The following B4GALT6 variants were observed in gnomAD, a reference collection of about 807,000 sequenced individuals.
The protein encoded by B4GALT6 is beta-1,4-galactosyltransferase 6.
A neutral mutation model predicts 46.3 loss-of-function variants in B4GALT6; 14 were observed. That is an observed-to-expected ratio of 0.30 (90% CI 0.20 to 0.47). The LOEUF is 0.47. Among genes scored for constraint, B4GALT6 ranks in the 20% least tolerant of loss-of-function variants. B4GALT6 has a pLI of 0.99. For missense variants in B4GALT6, 386 were observed against 480.1 expected (o/e 0.80, Z 1.83); for synonymous variants, 168 against 162.0 (o/e 1.04, Z -0.28).
chr18:31,685,229 G>A (rs1389919307), upstream of B4GALT6, among the ~76,000 whole-genome samples: 4 of 150,494 alleles, frequency 2.7e-5, no homozygotes, highest in African/African-American at 9.7e-5. Flanking sequence ...CGGCATTACC[G>A]CCGCGCGCCC....
chr18:31,638,732 C>T lies in B4GALT6; in HGVS notation c.500G>A (p.Arg167His), dbSNP rs1328338345. Residue 167 changes from arginine (R) to histidine (H), a missense_variant, in exon 5 of 9, where the codon CGC becomes CAC. Arg to His is a conservative substitution (Grantham distance 29). Coordinates refer to ENST00000306851, the MANE Select transcript of B4GALT6 (RefSeq NM_004775.5). The stretch of plus-strand genomic sequence containing the variant: ...GAAAAAAATTGGAAGATGTTCATGG[C>T]GATTACGGAAAGGAATGAGAACTGC... ...KVAVLIPFRN[R>H]HEHLPIFFLH... 3 of 1,613,768 alleles carry T rather than the reference C, an allele frequency of 1.9e-6. No homozygotes were observed. The highest frequency in any genetic ancestry group is 1.7e-5 in the Admixed American group (1 of 59,970).
chr18:31,694,857 A>T, the B4GALT6 span, among the ~76,000 whole-genome samples: 1 of 152,236 alleles, frequency 6.6e-6, no homozygotes, highest in Non-Finnish European at 1.5e-5. Context: ...TACATTTCAC[A>T]TACTAGTTAT....
Position 31,666,359 on chromosome 18 carries a change from G to C in B4GALT6, c.129C>G (p.Leu43=), listed in dbSNP as rs765941487. ...YVAPGIANTY[L]FMVQARGIML... ...TTATACCTCGAGCTTGTACCATAAA[G>C]AGATATGTGTTGGCTATAAAAGAAA... The change falls in exon 2 of 9, where the codon CTC becomes CTG. Residue 43 remains leucine (L), a synonymous_variant. Coordinates refer to ENST00000306851, the MANE Select transcript of B4GALT6 (RefSeq NM_004775.5). 6.3e-7 allele frequency: 1 copy of C among 1,588,902 alleles called. No homozygotes were observed. Among genetic ancestry groups the C allele is most frequent in the Non-Finnish European group, 8.6e-7 (1 of 1,161,848 alleles).
At chr18:31,652,964 A>C (rs1211114766) in intron 3 of B4GALT6, among the ~76,000 whole-genome samples, 1 of 151,612 alleles carries the variant, frequency 6.6e-6, no homozygotes, top group East Asian at 1.9e-4. Context: ...CACCTGCCTA[A>C]AGCCTTCGAT....
At chr18:31,711,553 C>A in the B4GALT6 span, among the ~76,000 whole-genome samples, 1 of 152,120 alleles carries the variant, frequency 6.6e-6, no homozygotes, top group African/African-American at 2.4e-5. Context: ...GGATAATGCA[C>A]AAACAATTTT....
the B4GALT6 span, among the ~76,000 whole-genome samples, chr18:31,702,835 G>A: frequency 6.6e-6 from 1 of 152,212 alleles, no homozygotes; most frequent in Non-Finnish European, 1.5e-5. Context: ...TCCAAGGGGA[G>A]CTCTAAGTGA....
intron 2 of B4GALT6, among the ~76,000 whole-genome samples, chr18:31,664,493 G>C (rs953620169): frequency 3.3e-5 from 5 of 150,796 alleles, no homozygotes; most frequent in African/African-American, 1.2e-4. Flanking sequence ...GGTCTTTATT[G>C]AAACTATGAC....
At chr18:31,662,650 G>A (rs1346756973) in intron 2 of B4GALT6, among the ~76,000 whole-genome samples, 1 of 152,082 alleles carries the variant, frequency 6.6e-6, no homozygotes, top group Non-Finnish European at 1.5e-5. Flanking sequence ...GACCATCCTG[G>A]CTAACACGGT....
chr18:31,664,145 A>G lies in B4GALT6; in HGVS notation c.232+2111T>C, dbSNP rs938646514. Among the ~76,000 whole-genome samples, 3 of 146,138 alleles carry G rather than the reference A, an allele frequency of 2.1e-5. 1 individual carries two copies. The highest frequency in any genetic ancestry group is 4.5e-5 in the Non-Finnish European group (3 of 66,602). On this transcript the variant is annotated intron_variant, in intron 2 of 8. Transcript: ENST00000306851. ...CTTTGTTCTCGCTTTCCTCCTTCCT[A>G]CTGACCCAAGTTCAAACAGCAGCCA...
At chr18:31,673,918 T>A (rs752887018) in intron 1 of B4GALT6, among the ~76,000 whole-genome samples, 1 of 151,696 alleles carries the variant, frequency 6.6e-6, no homozygotes, top group Non-Finnish European at 1.5e-5. Context: ...TTTCACACAC[T>A]CTCACAGACA....
At chr18:31,650,956 CG>C (rs1407945132) in intron 3 of B4GALT6, among the ~76,000 whole-genome samples, 3 of 152,082 alleles carry the variant, frequency 2.0e-5, no homozygotes, top group Non-Finnish European at 4.4e-5. Context: ...TTAGTAGAGA[CG>C]GGGTTTCACC....
At chr18:31,724,342 C>T in the B4GALT6 span, 1 of 812,484 alleles carries the variant, frequency 1.2e-6, no homozygotes, top group Non-Finnish European at 1.7e-6. Context: ...GGCGGCTTAG[C>T]CTCTGGAGTG....
At chr18:31,707,152 T>C in the B4GALT6 span, among the ~76,000 whole-genome samples, 1 of 152,246 alleles carries the variant, frequency 6.6e-6, no homozygotes, top group East Asian at 1.9e-4. Flanking sequence ...TTTCCAAACT[T>C]TTTACTCAGG....
At chr18:31,724,362 C>T in the B4GALT6 span, 2 of 1,030,134 alleles carry the variant, frequency 1.9e-6, no homozygotes, top group African/African-American at 1.7e-5. Context: ...GGGTCCAGGA[C>T]CCGCTCCAGC....
chr18:31,667,757 T>A (rs542142621), intron 1 of B4GALT6, among the ~76,000 whole-genome samples: 1 of 152,306 alleles, frequency 6.6e-6, no homozygotes, highest in Non-Finnish European at 1.5e-5. Context: ...TGCCTACACC[T>A]GAATTTACTA....
rs905145773 is a variant in B4GALT6 at position 31,679,031 on chromosome 18, G to A, written c.115+5281C>T. 5.9e-5 allele frequency among the ~76,000 whole-genome samples: 9 copies of A among 152,314 alleles called. No individual in the cohort carries two copies. The East Asian group carries it at 1.7e-3, about 29-fold the overall frequency. On this transcript the variant is annotated intron_variant, in intron 1 of 8. Transcript: ENST00000306851. ...CATTTTAGTCCCAACCAAATTACAC[G>A]TAGTGTTTGGAATACCTATTACACA...
chr18:31,720,630 A>G, the B4GALT6 span, among the ~76,000 whole-genome samples: 1 of 152,236 alleles, frequency 6.6e-6, no homozygotes, highest in Non-Finnish European at 1.5e-5. Context: ...AGAAATTTGA[A>G]GATGGAACAT....
intron 1 of B4GALT6, among the ~76,000 whole-genome samples, chr18:31,679,355 C>T (rs147326964): frequency 6.6e-6 from 1 of 152,308 alleles, no homozygotes; most frequent in Non-Finnish European, 1.5e-5. Flanking sequence ...AGAGATATAG[C>T]TGAGTCACAT....
the B4GALT6 span, among the ~76,000 whole-genome samples, chr18:31,702,568 A>T: frequency 6.6e-6 from 1 of 152,180 alleles, no homozygotes. Context: ...CAGTCATGCT[A>T]GATAATCTGA....
Sources: allele counts gnomAD v4.1 joint callset (sites outside exome capture counted in the v4.1 genomes callset), GRCh38; gene constraint gnomAD v4.1.1; transcripts MANE v1.5; gene names NCBI Gene and HGNC (gene_info 2026-07-23, HGNC 2026-07-21).